The following HCLS1 variants were observed in gnomAD, a reference collection of about 807,000 sequenced individuals.
HCLS1 encodes the protein hematopoietic cell-specific Lyn substrate 1, also known as hematopoietic lineage cell-specific protein.
HCLS1 carries 44 observed loss-of-function variants against 68.6 expected under a neutral mutation model. The ratio of observed to expected loss-of-function variants is 0.64; its 90% CI spans 0.50 to 0.82. The LOEUF is 0.82. HCLS1 is among the 40% of genes least tolerant of loss of function. The pLI is 0.00. For synonymous variants in HCLS1, 217 were observed against 225.8 expected (o/e 0.96, Z 0.35); for missense variants, 602 against 612.1 (o/e 0.98, Z 0.17).
chr3:121,635,237 T>TCCTCTCTCTCTCTC (rs2049138799), intron 9 of HCLS1, among the ~76,000 whole-genome samples: 1 of 114,340 alleles, frequency 8.7e-6, no homozygotes, highest in South Asian at 3.7e-4. Context: ...TCTCTCCCTT[T>TCCTCTCTCTCTCTC]TCTCTCTCTC....
At chr3:121,657,592 G>T (rs1212212090) in intron 2 of HCLS1, among the ~76,000 whole-genome samples, 1 of 152,130 alleles carries the variant, frequency 6.6e-6, no homozygotes, top group Non-Finnish European at 1.5e-5. Flanking sequence ...GAGGCGGGTG[G>T]ATCTCTTTAG....
intron 1 of HCLS1, among the ~76,000 whole-genome samples, chr3:121,658,633 A>G (rs572133970): frequency 7.9e-5 from 12 of 152,340 alleles, no homozygotes; most frequent in African/African-American, 2.9e-4. Context: ...GTAACCCACG[A>G]GTCAAAATTG....
At chr3:121,655,823 C>CATTT (rs58817111) in intron 3 of HCLS1, among the ~76,000 whole-genome samples, 48,487 of 137,776 alleles carry the variant, frequency 0.35, 9,418 homozygotes, top group East Asian at 0.52. Flanking sequence ...TAATTGAAAC[C>CATTT]ATTTATTTAT....
At chr3:121,634,088 C>G in intron 10 of HCLS1, 119 bp downstream of exon 10, 1 of 1,517,020 alleles carries the variant, frequency 6.6e-7, no homozygotes, top group Non-Finnish European at 8.8e-7. Context: ...ACAGAGACAA[C>G]AGACCTTGCC....
At position 121,658,298 on chromosome 3, in the gene HCLS1, T is replaced by A; in HGVS notation, c.50A>T (p.Gln17Leu). 6.2e-7 allele frequency: 1 copy of A among 1,613,978 alleles called. No homozygotes were observed. Among genetic ancestry groups the A allele is most frequent in the Non-Finnish European group, 8.5e-7 (1 of 1,179,892 alleles). ...AGGATCTGTGTCCCAATCATCACCCTGGGTCTCCACGGAAACAGACACATC... is the reference window on the plus strand; with the variant it reads ...AGGATCTGTGTCCCAATCATCACCCAGGGTCTCCACGGAAACAGACACATC... ...GHDVSVSVET[Q>L]GDDWDTDPDF... The change falls in exon 2 of 14, where the codon CAG (glutamine) becomes CTG (leucine). Residue 17 changes from glutamine (Q) to leucine (L), a missense_variant. Gln to Leu is a moderately radical substitution (Grantham distance 113). Transcript: ENST00000314583.
chr3:121,634,404 G>A lies in HCLS1; in HGVS notation c.706C>T (p.Arg236Cys), dbSNP rs768520291. Reference protein sequence around the residue: ...TPIEAASSGTRGLKAKFESMA... With the variant: ...TPIEAASSGTCGLKAKFESMA... ...GACTCAAATTTCGCCTTCAGCCCAC[G>A]GGTACCACTAGAAGCTGCAGACACA... is the stretch of plus-strand genomic sequence containing the variant. The change falls in exon 10 of 14, where the codon CGT (arginine) becomes TGT (cysteine). Residue 236 changes from arginine (R) to cysteine (C), a missense_variant. Physicochemically the swap from Arg to Cys is radical, Grantham distance 180. Coordinates refer to ENST00000314583, the MANE Select transcript of HCLS1 (RefSeq NM_005335.6). The A allele has an allele frequency of 2.5e-5, 41 of 1,613,842 alleles. 1 individual carries two copies. The highest frequency in any genetic ancestry group is 1.5e-4 in the Admixed American group (9 of 59,982).
intron 3 of HCLS1, among the ~76,000 whole-genome samples, chr3:121,649,954 C>A (rs1937706986): frequency 6.6e-6 from 1 of 152,040 alleles, no homozygotes; most frequent in Non-Finnish European, 1.5e-5. Context: ...AAAGAATTCA[C>A]ACAAAAAAAG....
intron 11 of HCLS1, 28 bp downstream of exon 11, chr3:121,633,039 G>T: frequency 6.8e-7 from 1 of 1,461,968 alleles, no homozygotes; most frequent in Non-Finnish European, 9.6e-7. Flanking sequence ...ATGGGGTGGG[G>T]GCAGAGAATC....
At chr3:121,634,118 G>C in intron 10 of HCLS1, 89 bp downstream of exon 10, 3 of 1,587,832 alleles carry the variant, frequency 1.9e-6, no homozygotes, top group Non-Finnish European at 2.6e-6. Flanking sequence ...GGAGGACTTT[G>C]CCTTATTTTC....
chr3:121,635,853 G>A (rs1294518457), intron 8 of HCLS1, 49 bp from the exon 9 acceptor site: 1 of 1,484,136 alleles, frequency 6.7e-7, no homozygotes, highest in African/African-American at 1.4e-5. Flanking sequence ...GGCAAGGGTA[G>A]TGGTGACCTG....
chr3:121,633,590 G>A (rs1235169560), intron 10 of HCLS1, among the ~76,000 whole-genome samples: 1 of 151,776 alleles, frequency 6.6e-6, no homozygotes, highest in African/African-American at 2.4e-5. Context: ...GCCCTGGCTG[G>A]AGCACAGTGA....
intron 3 of HCLS1, chr3:121,656,891 TG>T (rs1452909877): frequency 6.1e-6 from 1 of 164,146 alleles, no homozygotes; most frequent in East Asian, 1.7e-4. Context: ...TACATTTATC[TG>T]AAGAGATAGA....
chr3:121,635,646 G>C (rs2049142972), intron 9 of HCLS1, 89 bp downstream of exon 9: 1 of 1,024,276 alleles, frequency 9.8e-7, no homozygotes, highest in African/African-American at 1.6e-5. Context: ...AATCTAGGTA[G>C]TTAAAGGCAT....
Position 121,642,902 on chromosome 3 carries a change from G to A in HCLS1, c.454+25C>T, listed in dbSNP as rs759407320. The stretch of plus-strand genomic sequence containing the variant: ...AGAGCCTGCCGGTCAGATTGCTGAG[G>A]CTGAGTGAAGTACAGTGTCCTTGCC... On this transcript the variant is annotated intron_variant, in intron 6 of 13. Transcript: ENST00000314583. The A allele has an allele frequency of 4.6e-5, 73 of 1,593,534 alleles. No homozygotes were observed. The Admixed American group carries it at 1.2e-3, about 27-fold the overall frequency.
chr3:121,641,847 C>T (rs982511341), intron 6 of HCLS1, among the ~76,000 whole-genome samples: 5 of 151,830 alleles, frequency 3.3e-5, no homozygotes, highest in African/African-American at 4.8e-5. Flanking sequence ...TTTGGGAAGC[C>T]GAGGCAGGCA....
chr3:121,646,270 AATATATATT>A (rs2049246960), intron 4 of HCLS1, among the ~76,000 whole-genome samples: 1 of 113,240 alleles, frequency 8.8e-6, no homozygotes, highest in Non-Finnish European at 1.6e-5. Context: ...AAAAATATAT[AATATATATT>A]ATATTTTATG....
chr3:121,641,875 A>G (rs562311639), intron 6 of HCLS1, among the ~76,000 whole-genome samples: 2 of 151,932 alleles, frequency 1.3e-5, no homozygotes, highest in South Asian at 4.2e-4. Flanking sequence ...AGGTCAGAAG[A>G]TCGAGACCAT....
chr3:121,632,286 C>T (rs1223311791), intron 12 of HCLS1, 46 bp downstream of exon 12: 1 of 1,606,674 alleles, frequency 6.2e-7, no homozygotes, highest in Admixed American at 1.7e-5. Flanking sequence ...CTCTTACCCT[C>T]CCCTGGACAT....
intron 6 of HCLS1, among the ~76,000 whole-genome samples, chr3:121,642,535 T>G (rs1167060460): frequency 2.6e-5 from 4 of 151,918 alleles, no homozygotes; most frequent in Non-Finnish European, 5.9e-5. Context: ...CCCAGCACTT[T>G]GAGAGGGTGA....
Sources: allele counts gnomAD v4.1 joint callset (sites outside exome capture counted in the v4.1 genomes callset), GRCh38; gene constraint gnomAD v4.1.1; transcripts MANE v1.5; gene names NCBI Gene and HGNC (gene_info 2026-07-23, HGNC 2026-07-21).